PCDHGA5: variants seen among roughly 807,000 people sequenced by gnomAD.
PCDHGA5 encodes the protein protocadherin gamma-A5.
Under a neutral mutation model 56.7 loss-of-function variants are expected in PCDHGA5, and 36 were observed. The ratio of observed to expected loss-of-function variants is 0.64; its 90% CI spans 0.49 to 0.84. The LOEUF (loss-of-function observed/expected upper bound fraction) is 0.84. Ranked by LOEUF, PCDHGA5 falls within the 40% of genes least tolerant of loss-of-function variation. The pLI, the probability that PCDHGA5 is intolerant of heterozygous loss-of-function variation, is 0.00. For missense variants in PCDHGA5, 1,305 were observed against 1,201.5 expected (o/e 1.09, Z -1.27); for synonymous variants, 563 against 520.2 (o/e 1.08, Z -1.12).
intron 1 of PCDHGA5, chr5:141,387,565 T>C: frequency 2.3e-6 from 1 of 437,244 alleles, no homozygotes; most frequent in Non-Finnish European, 4.0e-6. Flanking sequence ...AGGCACACAA[T>C]TATAATTATT....
In PCDHGA5 at chr5:141,365,789, G is replaced by A. The variant is rs200109132; in HGVS notation, c.1459G>A (p.Val487Ile). The A allele has an allele frequency of 6.2e-7, 1 of 1,613,778 alleles. No homozygotes were observed. The highest frequency in any genetic ancestry group is 1.3e-5 in the African/African-American group (1 of 74,918). ...HDPDSGDNARVTYSLAEDTFQ... is the reference protein window; with the variant it reads ...HDPDSGDNARITYSLAEDTFQ... ...CCCCGACAGCGGCGACAACGCTCGA[G>A]TCACCTACTCCCTGGCTGAAGACAC... is the stretch of plus-strand genomic sequence containing the variant. The change falls in exon 1 of 4, where the codon GTC (valine) becomes ATC (isoleucine). Residue 487 changes from valine to isoleucine, a missense_variant. By Grantham distance (29) the Val-to-Ile change is conservative. Coordinates refer to ENST00000518069, the MANE Select transcript of PCDHGA5 (RefSeq NM_018918.3).
chr5:141,404,746 A>T (rs1219726027), intron 1 of PCDHGA5: 2 of 1,613,308 alleles, frequency 1.2e-6, no homozygotes, highest in Admixed American at 3.3e-5. Flanking sequence ...ACAGAGACTC[A>T]GGCCAGAATG....
intron 1 of PCDHGA5, among the ~76,000 whole-genome samples, chr5:141,482,488 G>C (rs1401943298): frequency 7.7e-6 from 1 of 130,410 alleles, no homozygotes; most frequent in African/African-American, 3.1e-5. Context: ...ACAATTAAAA[G>C]TTATCATTCT....
chr5:141,369,864 C>G lies in PCDHGA5; in HGVS notation c.2421+3113C>G, dbSNP rs184751996. Reference sequence around the variant, plus strand: ...GTATTATTTTATTTGGCCCTCATTTCTACTAGAGTAAGCAGAGAAGATATT... The same window carrying G: ...GTATTATTTTATTTGGCCCTCATTTGTACTAGAGTAAGCAGAGAAGATATT... On this transcript the variant is annotated intron_variant, in intron 1 of 3. Transcript: ENST00000518069. Among the ~76,000 whole-genome samples, 368 of 152,244 alleles carry G rather than the reference C, an allele frequency of 2.4e-3. 5 individuals carry two copies. Among genetic ancestry groups the G allele is most frequent in the African/African-American group, 8.5e-3 (353 of 41,550 alleles).
At chr5:141,424,491 G>T (rs2096824224) in intron 1 of PCDHGA5, 1 of 152,122 alleles carries the variant, frequency 6.6e-6, no homozygotes, top group South Asian at 2.1e-4. Context: ...GTCTGTGTTT[G>T]TATGTATGGA....
chr5:141,505,520 C>T, intron 3 of PCDHGA5, 39 bp downstream of exon 3: 1 of 1,612,650 alleles, frequency 6.2e-7, no homozygotes, highest in Non-Finnish European at 8.5e-7. Flanking sequence ...AGTGGGAGAC[C>T]TGGGGTTCTG....
At position 141,489,135 on chromosome 5, in the gene PCDHGA5, G is replaced by T; in HGVS notation, c.2422-5672G>T. The T allele has an allele frequency of 1.4e-6, 1 of 725,448 alleles. No individual in the cohort carries two copies. The highest frequency in any genetic ancestry group is 2.1e-6 in the Non-Finnish European group (1 of 470,770). 44.9% of individuals were successfully genotyped at this position (725,448 alleles called of 1,614,324 possible). ...GCAAACCTCCGAGCAGTTTTTAAGA[G>T]GCTGGAAGGAGACATAAGAGACTTC... On this transcript the variant is annotated intron_variant, in intron 1 of 3. Coordinates refer to ENST00000518069, the MANE Select transcript of PCDHGA5 (RefSeq NM_018918.3). The surrounding 1 kb of genome is among the most constrained non-coding windows in gnomAD (Gnocchi z 4.5).
intron 1 of PCDHGA5, chr5:141,426,513 C>T (rs780618436): frequency 6.2e-5 from 21 of 341,148 alleles, no homozygotes; most frequent in Non-Finnish European, 1.1e-4. Context: ...AATACTTTAC[C>T]GTGAACACGG....
chr5:141,428,055 G>C (rs1232516220), intron 1 of PCDHGA5: 8 of 1,608,952 alleles, frequency 5.0e-6, no homozygotes, highest in African/African-American at 1.3e-5. Context: ...CAAGGTGGTG[G>C]CGGTGGACGC....
chr5:141,395,542 TTGTGTGTGTGTGTGTGTGTG>T (rs55729045), intron 1 of PCDHGA5: 12 of 172,620 alleles, frequency 7.0e-5, no homozygotes, highest in Admixed American at 1.6e-4. Flanking sequence ...TTGCTATTGT[TTGTGTGTGTGTGTGTGTGTG>T]TGTGTGTGTG....
intron 1 of PCDHGA5, chr5:141,400,372 A>G: frequency 6.2e-7 from 1 of 1,613,980 alleles, no homozygotes; most frequent in Non-Finnish European, 8.5e-7. Flanking sequence ...TTATTCCTAC[A>G]ACCTATGTGT....
At chr5:141,384,071 CT>C in intron 1 of PCDHGA5, 1 of 1,603,192 alleles carries the variant, frequency 6.2e-7, no homozygotes. Context: ...GAAAACCTAC[CT>C]TTTAAATTAG....
In PCDHGA5 at chr5:141,477,191, A is replaced by G; in HGVS notation, c.2422-17616A>G. ...GGAGATCACAGTCACCTCCGTGTACAGCCCAGTACCCGAGGATGCCCCTCT... is the reference window on the plus strand; with the variant it reads ...GGAGATCACAGTCACCTCCGTGTACGGCCCAGTACCCGAGGATGCCCCTCT... On this transcript the variant is annotated intron_variant, in intron 1 of 3. Transcript: ENST00000518069. This position sits in a 1 kb window ranked among gnomAD's most constrained non-coding sequence, Gnocchi z 4.9. 5.0e-6 allele frequency: 8 copies of G among 1,614,210 alleles called. No homozygotes were observed. The highest frequency in any genetic ancestry group is 6.8e-6 in the Non-Finnish European group (8 of 1,180,044).
chr5:141,460,214 G>C (rs925628892), intron 1 of PCDHGA5, among the ~76,000 whole-genome samples: 1 of 151,896 alleles, frequency 6.6e-6, no homozygotes, highest in South Asian at 2.1e-4. Flanking sequence ...CATTTTCTTA[G>C]TTGTGTCTTT....
At chr5:141,369,953 C>T (rs1473621246) in intron 1 of PCDHGA5, among the ~76,000 whole-genome samples, 1 of 152,124 alleles carries the variant, frequency 6.6e-6, no homozygotes, top group Non-Finnish European at 1.5e-5. Context: ...ATTATCTCTG[C>T]CCTTTGACAA....
At chr5:141,371,570 T>C (rs767925650) in intron 1 of PCDHGA5, 3 of 1,613,762 alleles carry the variant, frequency 1.9e-6, no homozygotes, top group Admixed American at 3.3e-5. Flanking sequence ...ACTTCCCCTT[T>C]AAAATCGTTC....
At chr5:141,423,783 A>G in intron 1 of PCDHGA5, 1 of 1,264,712 alleles carries the variant, frequency 7.9e-7, no homozygotes, top group South Asian at 1.9e-5. Context: ...TATTTAGTTC[A>G]TATATATTTA....
chr5:141,439,226 G>A (rs1337835258), intron 1 of PCDHGA5, among the ~76,000 whole-genome samples: 1 of 151,442 alleles, frequency 6.6e-6, no homozygotes, highest in African/African-American at 2.4e-5. Flanking sequence ...AAAATTCTTA[G>A]AAGCTTCCTA....
intron 1 of PCDHGA5, chr5:141,400,754 C>G: frequency 1.7e-6 from 1 of 589,004 alleles, no homozygotes. Context: ...TTAGCTTCCT[C>G]TCTAGCAAAA....
Sources: gnomAD v4.1 joint callset for allele counts (sites outside exome capture counted in the v4.1 genomes callset) on GRCh38, gnomAD v4.1.1 for gene constraint, Gnocchi (gnomAD v3.1) non-coding constraint, MANE v1.5 for transcripts, NCBI Gene and HGNC (gene_info 2026-07-23, HGNC 2026-07-21) for gene names.